The following SERTM1 variants were observed in gnomAD, a reference collection of about 807,000 sequenced individuals.
The protein encoded by SERTM1 is serine rich and transmembrane domain containing 1, also known as serine-rich and transmembrane domain-containing protein 1.
Under a neutral mutation model 5.5 loss-of-function variants are expected in SERTM1, and 1 was observed. The ratio of observed to expected loss-of-function variants is 0.18; its 90% confidence interval spans 0.06 to 0.86. The LOEUF (loss-of-function observed/expected upper bound fraction) is 0.86, where lower values mean the gene tolerates loss of function less well. SERTM1 is among the 40% of genes least tolerant of loss of function. The probability of loss-of-function intolerance (pLI) is 0.69; values close to 1 mark genes in which losing one functional copy is unlikely to be tolerated. For synonymous variants in SERTM1, 52 were observed against 55.1 expected (o/e 0.94, Z 0.25); for missense variants, 91 against 122.4 (o/e 0.74, Z 1.21).
intron 1 of SERTM1, among the ~76,000 whole-genome samples, chr13:36,685,155 C>G (rs999296425): frequency 1.3e-5 from 2 of 152,176 alleles, no homozygotes; most frequent in African/African-American, 4.8e-5. Context: ...TCATTTTGTT[C>G]CATGTTATGA....
chr13:36,680,521 T>C (rs1179280056), intron 1 of SERTM1, among the ~76,000 whole-genome samples: 3 of 152,192 alleles, frequency 2.0e-5, no homozygotes, highest in African/African-American at 4.8e-5. Flanking sequence ...GGCCCTCAAT[T>C]TGTGGTCTCT....
intron 1 of SERTM1, among the ~76,000 whole-genome samples, chr13:36,676,522 C>T (rs1391661009): frequency 6.6e-6 from 1 of 152,022 alleles, no homozygotes; most frequent in Non-Finnish European, 1.5e-5. Context: ...TTTTGTTCAT[C>T]TGAGTTTTTA....
chr13:36,692,687 A>G (rs1036584626), intron 1 of SERTM1, among the ~76,000 whole-genome samples: 4 of 152,262 alleles, frequency 2.6e-5, no homozygotes, highest in Non-Finnish European at 5.9e-5. Context: ...AAAGGTAGGC[A>G]TCACTGTTGT....
intron 1 of SERTM1, among the ~76,000 whole-genome samples, chr13:36,674,894 C>G (rs1217376781): frequency 6.6e-6 from 1 of 152,130 alleles, no homozygotes; most frequent in East Asian, 1.9e-4. Flanking sequence ...GCGACCCTTC[C>G]CCTCTTCCCG....
chr13:36,693,668 CTG>C (rs1358414656), intron 1 of SERTM1, among the ~76,000 whole-genome samples: 2 of 152,150 alleles, frequency 1.3e-5, no homozygotes, highest in Non-Finnish European at 2.9e-5. Flanking sequence ...CAAGAATCAG[CTG>C]CTTAATTAGA....
chr13:36,690,676 C>T (rs2056772237), intron 1 of SERTM1, among the ~76,000 whole-genome samples: 1 of 152,152 alleles, frequency 6.6e-6, no homozygotes, highest in African/African-American at 2.4e-5. Context: ...ATGATAAGTT[C>T]CCTTCTGGAT....
At chr13:36,685,725 G>A (rs1430868925) in intron 1 of SERTM1, among the ~76,000 whole-genome samples, 2 of 152,166 alleles carry the variant, frequency 1.3e-5, no homozygotes, top group East Asian at 1.9e-4. Flanking sequence ...GATTAAGGAG[G>A]TGATTAAGGC....
intron 1 of SERTM1, among the ~76,000 whole-genome samples, chr13:36,687,354 T>C (rs647398): frequency 0.85 from 128,609 of 152,172 alleles, 54,497 homozygotes; most frequent in East Asian, 1. Flanking sequence ...AAATACATGA[T>C]TACGGTTGTC....
At chr13:36,683,124 T>A (rs1448704660) in intron 1 of SERTM1, among the ~76,000 whole-genome samples, 1 of 152,204 alleles carries the variant, frequency 6.6e-6, no homozygotes, top group Non-Finnish European at 1.5e-5. Context: ...TCTTATTGCC[T>A]CTCACCTGTT....
chr13:36,691,587 T>C (rs1014292850), intron 1 of SERTM1, among the ~76,000 whole-genome samples: 3 of 152,222 alleles, frequency 2.0e-5, no homozygotes, highest in Non-Finnish European at 2.9e-5. Flanking sequence ...TGTCTCATTT[T>C]CCTTTCTCAA....
chr13:36,683,841 G>A (rs1048421702), intron 1 of SERTM1, among the ~76,000 whole-genome samples: 3 of 152,108 alleles, frequency 2.0e-5, no homozygotes, highest in Non-Finnish European at 2.9e-5. Flanking sequence ...GAAATATTTC[G>A]TGAACAGCAC....
At chr13:36,675,559 G>A (rs144950546) in intron 1 of SERTM1, among the ~76,000 whole-genome samples, 1 of 152,106 alleles carries the variant, frequency 6.6e-6, no homozygotes, top group Non-Finnish European at 1.5e-5. Flanking sequence ...AACTAGTCTG[G>A]GTGTCTCAGC....
intron 1 of SERTM1, among the ~76,000 whole-genome samples, chr13:36,680,477 A>G (rs964053107): frequency 6.6e-6 from 1 of 152,158 alleles, no homozygotes; most frequent in Non-Finnish European, 1.5e-5. Context: ...AGCTCTGAGT[A>G]TAGAGTGGAT....
chr13:36,684,991 T>G (rs960393006), intron 1 of SERTM1, among the ~76,000 whole-genome samples: 1 of 152,230 alleles, frequency 6.6e-6, no homozygotes, highest in Admixed American at 6.5e-5. Flanking sequence ...CCTTCTTACA[T>G]TTTCAAATTG....
At chr13:36,684,084 G>GC (rs2056724466) in intron 1 of SERTM1, among the ~76,000 whole-genome samples, 2 of 152,124 alleles carry the variant, frequency 1.3e-5, no homozygotes, top group Admixed American at 1.3e-4. Context: ...TATTTCCTGA[G>GC]CTCAGGAGTT....
intron 1 of SERTM1, among the ~76,000 whole-genome samples, chr13:36,687,744 T>TAC (rs148142579): frequency 5.3e-4 from 80 of 151,080 alleles, no homozygotes; most frequent in South Asian, 2.3e-3. Context: ...AAATTAAAAA[T>TAC]ACACACACAC....
In SERTM1 at chr13:36,697,371, A is replaced by G. The variant is rs2138105155; in HGVS notation, c.*1969A>G. The G allele has an allele frequency of 6.0e-6, 1 of 165,388 alleles. No individual in the cohort carries two copies. Among genetic ancestry groups the G allele is most frequent in the South Asian group, 2.1e-4 (1 of 4,770 alleles). 10.2% of individuals were successfully genotyped at this position (165,388 alleles called of 1,614,324 possible). A position where few individuals can be genotyped will look rare whatever the true frequency, so the allele number is the denominator to read the frequency against. On this transcript the variant is annotated 3_prime_UTR_variant, in exon 2 of 2. Transcript: ENST00000315190. ...TACTCCCAATTAAAAGTCGTGTGAA[A>G]GCTACACAGGATTACAGAGGCATCT...
intron 1 of SERTM1, among the ~76,000 whole-genome samples, chr13:36,677,119 G>A (rs974732862): frequency 1.1e-4 from 16 of 152,190 alleles, no homozygotes; most frequent in Admixed American, 2.0e-4. Flanking sequence ...AGGATACAAC[G>A]TCTTCATGCT....
At chr13:36,680,802 G>A (rs1305896365) in intron 1 of SERTM1, among the ~76,000 whole-genome samples, 1 of 152,154 alleles carries the variant, frequency 6.6e-6, no homozygotes, top group Non-Finnish European at 1.5e-5. Context: ...TGCCAGGCTG[G>A]AGTGCAGTGG....
Sources: gnomAD v4.1 joint callset for allele counts (sites outside exome capture counted in the v4.1 genomes callset) on GRCh38, gnomAD v4.1.1 for gene constraint, MANE v1.5 for transcripts, NCBI Gene and HGNC (gene_info 2026-07-23, HGNC 2026-07-21) for gene names.